Variants in GMDS observed in about 807,000 individuals in gnomAD.
GMDS encodes GDP-mannose 4,6-dehydratase.
GMDS carries 20 observed loss-of-function variants against 49.9 expected under a neutral mutation model. That is an observed-to-expected ratio of 0.40 (90% CI 0.28 to 0.58). The LOEUF is 0.58. Among genes scored for constraint, GMDS ranks in the 20% least tolerant of loss-of-function variants. The pLI, the probability that GMDS is intolerant of heterozygous loss-of-function variation, is 0.42. For missense variants in GMDS, 362 were observed against 481.4 expected, an observed-to-expected ratio of 0.75 and a Z score of 2.32; for synonymous variants, 177 against 178.6, an observed-to-expected ratio of 0.99 and a Z score of 0.07.
intron 4 of GMDS, among the ~76,000 whole-genome samples, chr6:2,064,574 C>G (rs542796476): frequency 1.3e-5 from 2 of 152,078 alleles, no homozygotes; most frequent in African/African-American, 4.8e-5. Context: ...GGACCTCCTC[C>G]CCGATTCCCT....
intron 7 of GMDS, among the ~76,000 whole-genome samples, chr6:1,829,383 C>T (rs1056372073): frequency 6.6e-6 from 1 of 152,196 alleles, no homozygotes; most frequent in African/African-American, 2.4e-5. Flanking sequence ...TATGCATAGG[C>T]ATTTTCCCCT....
intron 7 of GMDS, among the ~76,000 whole-genome samples, chr6:1,911,692 TAAC>T (rs1251630241): frequency 1.3e-5 from 2 of 152,160 alleles, no homozygotes; most frequent in Non-Finnish European, 2.9e-5. Context: ...ACACATATAA[TAAC>T]GGCATGAACC....
intron 1 of GMDS, among the ~76,000 whole-genome samples, chr6:2,133,041 T>C (rs1156947396): frequency 6.6e-6 from 1 of 152,184 alleles, no homozygotes; most frequent in Non-Finnish European, 1.5e-5. Flanking sequence ...TCTCTCAAAG[T>C]GACAGGCCAT....
At chr6:1,903,906 G>C (rs1426066611) in intron 7 of GMDS, among the ~76,000 whole-genome samples, 1 of 152,274 alleles carries the variant, frequency 6.6e-6, no homozygotes, top group Non-Finnish European at 1.5e-5. Flanking sequence ...GCACATCTGG[G>C]CTTTATATTA....
chr6:1,649,036 T>A (rs557580360), intron 9 of GMDS, among the ~76,000 whole-genome samples: 3 of 152,238 alleles, frequency 2.0e-5, no homozygotes, highest in African/African-American at 7.2e-5. Context: ...CTCTTATTTT[T>A]AAAAAGTGTA....
chr6:1,735,341 A>C lies in GMDS; in HGVS notation c.890+7127T>G, dbSNP rs560261017. 7.9e-5 allele frequency among the ~76,000 whole-genome samples: 12 copies of C among 152,314 alleles called. No homozygotes were observed. The South Asian group carries it at 2.5e-3, about 32-fold the overall frequency. On this transcript the variant is annotated intron_variant, in intron 8 of 10. Coordinates refer to ENST00000380815, the MANE Select transcript of GMDS (RefSeq NM_001500.4). ...GGACACGGGTATGTGGAAGCTAGAC[A>C]TGTCTCTGTCCTTAAGGAGCCTGCA...
chr6:2,050,302 C>T (rs1333974806), intron 4 of GMDS, among the ~76,000 whole-genome samples: 3 of 152,176 alleles, frequency 2.0e-5, no homozygotes, highest in African/African-American at 7.2e-5. Context: ...TTCCTGGACA[C>T]ATACACCCTC....
intron 1 of GMDS, among the ~76,000 whole-genome samples, chr6:2,171,975 G>A (rs1778032432): frequency 6.6e-6 from 1 of 152,182 alleles, no homozygotes; most frequent in Non-Finnish European, 1.5e-5. Flanking sequence ...CGGCTAATCT[G>A]AGAGGCTTTC....
chr6:2,160,028 T>TTGGGC (rs1777314253), intron 1 of GMDS, among the ~76,000 whole-genome samples: 2 of 152,122 alleles, frequency 1.3e-5, no homozygotes, highest in South Asian at 4.1e-4. Context: ...ACAAAAAATC[T>TTGGGC]TGGGCTGAAA....
intron 8 of GMDS, among the ~76,000 whole-genome samples, chr6:1,736,830 G>A (rs1767016320): frequency 6.6e-6 from 1 of 152,176 alleles, no homozygotes; most frequent in South Asian, 2.1e-4. Context: ...ACCAACAACT[G>A]ACTGAGTGGA....
intron 7 of GMDS, among the ~76,000 whole-genome samples, chr6:1,754,261 A>G (rs2113529007): frequency 6.6e-6 from 1 of 152,352 alleles, no homozygotes; most frequent in South Asian, 2.1e-4. Flanking sequence ...AAACACCTCT[A>G]TGCAAATAAA....
chr6:1,960,884 C>T lies in GMDS; in HGVS notation c.428G>A (p.Gly143Asp), dbSNP rs745510167. ...GTAGAACTTCACAGAGTTGATAAGG[C>T]CACAAGTCTTAACTGCATCTAGAAG... ...LRLLDAVKTC[G>D]LINSVKFYQA... The change falls in exon 5 of 11, where the codon GGC becomes GAC. Residue 143 changes from glycine (G) to aspartate (D), a missense_variant. Gly to Asp is a moderately conservative substitution (Grantham distance 94). Coordinates refer to ENST00000380815, the MANE Select transcript of GMDS (RefSeq NM_001500.4). The T allele has an allele frequency of 1.9e-6, 3 of 1,611,464 alleles. No individual in the cohort carries two copies. In the South Asian group the frequency reaches 3.3e-5, roughly 18 times the overall value.
intron 4 of GMDS, among the ~76,000 whole-genome samples, chr6:1,991,297 C>T (rs1765922417): frequency 6.6e-6 from 1 of 152,118 alleles, no homozygotes; most frequent in South Asian, 2.1e-4. Flanking sequence ...GCATTTTCAA[C>T]TTCTTCTTCT....
At chr6:2,155,147 A>T (rs962388389) in intron 1 of GMDS, among the ~76,000 whole-genome samples, 3 of 152,264 alleles carry the variant, frequency 2.0e-5, no homozygotes, top group Admixed American at 1.3e-4. Context: ...ACAAATTAAC[A>T]TCTTTAAATG....
intron 4 of GMDS, among the ~76,000 whole-genome samples, chr6:2,040,459 C>A (rs1293623162): frequency 6.6e-6 from 1 of 152,192 alleles, no homozygotes; most frequent in African/African-American, 2.4e-5. Flanking sequence ...GTTATATGAT[C>A]TACATGGCTT....
At chr6:2,105,071 A>T in intron 4 of GMDS, among the ~76,000 whole-genome samples, 1 of 150,818 alleles carries the variant, frequency 6.6e-6, no homozygotes, top group East Asian at 2.0e-4. Context: ...AGTCCCAGCG[A>T]CTCGGGAGGC....
intron 9 of GMDS, among the ~76,000 whole-genome samples, chr6:1,652,012 T>G (rs1763666125): frequency 6.6e-6 from 1 of 151,890 alleles, no homozygotes; most frequent in Non-Finnish European, 1.5e-5. Context: ...AGTGCAGAAC[T>G]CAGAAACGTT....
chr6:1,660,328 CAG>C (rs1169183843), intron 9 of GMDS, among the ~76,000 whole-genome samples: 2 of 151,978 alleles, frequency 1.3e-5, no homozygotes. Flanking sequence ...TAAAAACATC[CAG>C]AGTTAATTTT....
At chr6:2,104,612 A>T (rs1390974569) in intron 4 of GMDS, among the ~76,000 whole-genome samples, 1 of 152,202 alleles carries the variant, frequency 6.6e-6, no homozygotes, top group Non-Finnish European at 1.5e-5. Context: ...CACAAACGTA[A>T]AGCTTATTGG....
Sources: gnomAD v4.1 joint callset for allele counts (sites outside exome capture counted in the v4.1 genomes callset) on GRCh38, gnomAD v4.1.1 for gene constraint, MANE v1.5 for transcripts, NCBI Gene and HGNC (gene_info 2026-07-23, HGNC 2026-07-21) for gene names.